ELMOD1: variants seen among roughly 807,000 people sequenced by gnomAD.
ELMOD1 encodes ELMO domain-containing protein 1.
ELMOD1 carries 21 observed loss-of-function variants against 46.7 expected under a neutral mutation model. The ratio of observed to expected loss-of-function variants is 0.45; its 90% confidence interval spans 0.32 to 0.65. The LOEUF is 0.65. Ranked by LOEUF, ELMOD1 falls within the 30% of genes least tolerant of loss-of-function variation. ELMOD1 has a pLI of 0.04. For synonymous variants in ELMOD1, 122 were observed against 138.2 expected (o/e 0.88, Z 0.82); for missense variants, 348 against 407.8 (o/e 0.85, Z 1.26).
rs1478710085 is a variant in ELMOD1 at position 107,665,321 on chromosome 11, T to G, written c.*124T>G. 1.0e-6 allele frequency: 1 copy of G among 975,316 alleles called. No homozygotes were observed. The highest frequency in any genetic ancestry group is 1.5e-6 in the Non-Finnish European group (1 of 655,286). The allele number at this position is 975,316 out of a possible 1,614,324, so 60.4% of individuals were successfully genotyped here. ...ATTGTATGCATGCCTTTTGGTACAG[T>G]GTTTTCATCTCTTGGTCATAATTCC... On this transcript the variant is annotated 3_prime_UTR_variant, in exon 12 of 12. Coordinates refer to ENST00000265840, the MANE Select transcript of ELMOD1 (RefSeq NM_018712.4).
chr11:107,656,170 C>T, intron 11 of ELMOD1, 104 bp downstream of exon 11: 6 of 1,283,130 alleles, frequency 4.7e-6, no homozygotes, highest in Non-Finnish European at 6.4e-6. Flanking sequence ...AGTGGATTGC[C>T]TGAGCTCAGG....
intron 11 of ELMOD1, among the ~76,000 whole-genome samples, chr11:107,664,723 A>C (rs1261220662): frequency 6.7e-6 from 1 of 149,774 alleles, no homozygotes; most frequent in Non-Finnish European, 1.5e-5. Context: ...TCAGCCTTTC[A>C]GAAAATGTTC....
In ELMOD1 at chr11:107,599,719, G is replaced by A. The variant is rs369923866; in HGVS notation, c.-86+8310G>A. On this transcript the variant is annotated intron_variant, in intron 1 of 11. Coordinates refer to ENST00000265840, the MANE Select transcript of ELMOD1 (RefSeq NM_018712.4). ...ATTGTGGCACTGCACTCCAGCCAGG[G>A]CGACAGAGCGAGACCTGTCTCAAAA... 2.1e-4 allele frequency among the ~76,000 whole-genome samples: 29 copies of A among 135,024 alleles called. No individual in the cohort carries two copies. In the East Asian group the frequency reaches 4.3e-3, roughly 20 times the overall value. 88.6% of individuals were successfully genotyped at this position (135,024 alleles called of 152,430 possible).
rs1025717288 is a variant in ELMOD1, at chr11:107,654,526, T to C, written c.698+304T>C. Among the ~76,000 whole-genome samples the C allele has an allele frequency of 4.6e-5, 7 of 152,262 alleles. No homozygotes were observed. In the East Asian group the frequency reaches 5.8e-4, roughly 13 times the overall value. ...GGCTCACGCCTGTAATCCCAGCACTTTGGGAGGCCGAGGCGGGCGGATCAC... is the reference window on the plus strand; with the variant it reads ...GGCTCACGCCTGTAATCCCAGCACTCTGGGAGGCCGAGGCGGGCGGATCAC... On this transcript the variant is annotated intron_variant, in intron 10 of 11. Transcript: ENST00000265840.
chr11:107,591,856 AGGCAGCCGGGCTGCGG>A, intron 1 of ELMOD1: 1 of 478,902 alleles, frequency 2.1e-6, no homozygotes, highest in Non-Finnish European at 4.3e-6. Flanking sequence ...GGGAGGAGCT[AGGCAGCCGGGCTGCGG>A]GGCCGCCGGA....
At chr11:107,634,845 G>A (rs1339708750) in intron 5 of ELMOD1, among the ~76,000 whole-genome samples, 3 of 152,150 alleles carry the variant, frequency 2.0e-5, no homozygotes, top group Admixed American at 6.5e-5. Flanking sequence ...TAGAAGACTC[G>A]CTATCTTAAA....
Position 107,647,493 on chromosome 11 carries a change from C to T in ELMOD1, c.446C>T (p.Thr149Ile). The change falls in exon 7 of 12, where the codon ACT (threonine) becomes ATT (isoleucine). Residue 149 changes from threonine (T) to isoleucine (I), a missense_variant. Physicochemically the swap from Thr to Ile is moderately conservative, Grantham distance 89. Coordinates refer to ENST00000265840, the MANE Select transcript of ELMOD1 (RefSeq NM_018712.4). ...LKLWKFLKPN[T>I]PLESRISKQW... ...TTATGGAAATTCTTGAAGCCCAATA[C>T]TCCACTGGAATCTCGGATTTCTAAG... 5 of 1,612,950 alleles carry T rather than the reference C, an allele frequency of 3.1e-6. No homozygotes were observed. Among genetic ancestry groups the T allele is most frequent in the African/African-American group, 1.3e-5 (1 of 74,932 alleles).
At chr11:107,653,916 A>G in intron 9 of ELMOD1, 1 of 467,656 alleles carries the variant, frequency 2.1e-6, no homozygotes, top group Non-Finnish European at 3.9e-6. Context: ...TGATAGTGCA[A>G]AAGAATAGCT....
At chr11:107,659,412 C>T (rs1267807894) in intron 11 of ELMOD1, among the ~76,000 whole-genome samples, 2 of 151,926 alleles carry the variant, frequency 1.3e-5, no homozygotes, top group African/African-American at 4.8e-5. Context: ...GCAGAGTGGG[C>T]ATTCTCATAA....
At chr11:107,641,255 G>A (rs898021816) in intron 6 of ELMOD1, among the ~76,000 whole-genome samples, 12 of 151,686 alleles carry the variant, frequency 7.9e-5, no homozygotes, top group African/African-American at 2.7e-4. Flanking sequence ...TCATGCCACC[G>A]CACTCCTACC....
chr11:107,613,552 C>G (rs946895650), intron 1 of ELMOD1, among the ~76,000 whole-genome samples: 4 of 152,130 alleles, frequency 2.6e-5, no homozygotes, highest in African/African-American at 9.7e-5. Context: ...CATAAACATT[C>G]AAGAAGTTTT....
intron 9 of ELMOD1, among the ~76,000 whole-genome samples, chr11:107,652,183 T>C (rs572595771): frequency 1.3e-5 from 2 of 152,366 alleles, no homozygotes; most frequent in East Asian, 3.9e-4. Context: ...GATAAAAGTA[T>C]ATATGGATTG....
chr11:107,617,230 C>T (rs995056450), intron 1 of ELMOD1, among the ~76,000 whole-genome samples: 2 of 152,062 alleles, frequency 1.3e-5, no homozygotes, highest in Admixed American at 6.6e-5. Context: ...GGCTTTTATT[C>T]GAGCTAAGTA....
intron 10 of ELMOD1, among the ~76,000 whole-genome samples, chr11:107,654,636 G>A (rs1413887548): frequency 6.6e-6 from 1 of 152,108 alleles, no homozygotes; most frequent in Non-Finnish European, 1.5e-5. Flanking sequence ...GGGCGTGTTG[G>A]CGGGCGCCTG....
intron 1 of ELMOD1, among the ~76,000 whole-genome samples, chr11:107,603,023 A>G (rs1865628778): frequency 6.6e-6 from 1 of 152,204 alleles, no homozygotes; most frequent in Non-Finnish European, 1.5e-5. Flanking sequence ...GAGTGGGAGA[A>G]GAAGGATGGC....
chr11:107,664,798 A>C (rs141064934), intron 11 of ELMOD1, among the ~76,000 whole-genome samples: 1 of 152,108 alleles, frequency 6.6e-6, no homozygotes, highest in African/African-American at 2.4e-5. Flanking sequence ...AAGAGTGAGA[A>C]TGATTCCAGG....
intron 2 of ELMOD1, 76 bp from the exon 3 acceptor site, chr11:107,630,341 T>C: frequency 5.8e-6 from 8 of 1,386,522 alleles, no homozygotes; most frequent in East Asian, 2.5e-5. Context: ...CTGGGCTTCT[T>C]TTCTTGCTGG....
intron 1 of ELMOD1, among the ~76,000 whole-genome samples, chr11:107,599,748 A>AAAAAAAAAG (rs1404236486): frequency 8.3e-5 from 12 of 144,340 alleles, no homozygotes; most frequent in African/African-American, 2.7e-4. Context: ...CTCAAAAAAA[A>AAAAAAAAAG]AAAGAAAAAA....
intron 2 of ELMOD1, among the ~76,000 whole-genome samples, chr11:107,622,535 C>A (rs1865968170): frequency 6.6e-6 from 1 of 152,214 alleles, no homozygotes; most frequent in South Asian, 2.1e-4. Flanking sequence ...CTAGTCCAAT[C>A]CCTTCACCTT....
Sources: gnomAD v4.1 joint callset for allele counts (sites outside exome capture counted in the v4.1 genomes callset) on GRCh38, gnomAD v4.1.1 for gene constraint, MANE v1.5 for transcripts, NCBI Gene and HGNC (gene_info 2026-07-23, HGNC 2026-07-21) for gene names.